SNX29: variants seen among roughly 807,000 people sequenced by gnomAD.
SNX29 encodes sorting nexin 29.
SNX29 carries 78 observed loss-of-function variants against 102.1 expected under a neutral mutation model. That is an observed-to-expected ratio of 0.76 (90% CI 0.64 to 0.92). SNX29 has a LOEUF of 0.92. Among genes scored for constraint, SNX29 ranks in the 40% least tolerant of loss-of-function variants. The pLI, the probability that SNX29 is intolerant of heterozygous loss-of-function variation, is 0.00. For missense variants in SNX29, 1,280 were observed against 1,061.7 expected (o/e 1.21, Z -2.86); for synonymous variants, 580 against 414.5 (o/e 1.40, Z -4.85).
At chr16:12,422,919 G>A (rs2084926406) in intron 18 of SNX29, among the ~76,000 whole-genome samples, 1 of 152,208 alleles carries the variant, frequency 6.6e-6, no homozygotes, top group African/African-American at 2.4e-5. Flanking sequence ...GACTGGAAAT[G>A]CATTTCTGTA....
chr16:12,128,495 C>T (rs1257220091), intron 12 of SNX29, among the ~76,000 whole-genome samples: 1 of 150,134 alleles, frequency 6.7e-6, no homozygotes, highest in East Asian at 2.0e-4. Context: ...TTCTTTCTCC[C>T]AGGCTGGAGT....
At chr16:12,173,602 A>C (rs575054646) in intron 13 of SNX29, among the ~76,000 whole-genome samples, 1 of 152,152 alleles carries the variant, frequency 6.6e-6, no homozygotes, top group African/African-American at 2.4e-5. Flanking sequence ...CGTCCCAATC[A>C]GGAGAAGCTT....
chr16:12,331,282 C>T (rs533801507), intron 15 of SNX29, among the ~76,000 whole-genome samples: 12 of 152,350 alleles, frequency 7.9e-5, no homozygotes, highest in Admixed American at 1.3e-4. Flanking sequence ...GCCTTCTCTA[C>T]GTGCTCCAAG....
intron 13 of SNX29, among the ~76,000 whole-genome samples, chr16:12,161,825 G>A (rs1253846438): frequency 6.6e-6 from 1 of 151,748 alleles, no homozygotes. Context: ...TGCCATGACT[G>A]AAAGCTTTCT....
intron 16 of SNX29, among the ~76,000 whole-genome samples, chr16:12,365,181 G>A (rs1277986011): frequency 1.3e-5 from 2 of 152,232 alleles, no homozygotes; most frequent in East Asian, 3.9e-4. Flanking sequence ...AAAATATGGT[G>A]TCTGTTGTGC....
intron 3 of SNX29, among the ~76,000 whole-genome samples, chr16:12,006,729 C>A (rs1057459487): frequency 6.6e-6 from 1 of 151,862 alleles, no homozygotes; most frequent in South Asian, 2.1e-4. Context: ...CAAGATCTTC[C>A]CATCTCAGCC....
chr16:12,360,151 T>G (rs1381953029), intron 16 of SNX29, among the ~76,000 whole-genome samples: 1 of 152,224 alleles, frequency 6.6e-6, no homozygotes, highest in East Asian at 1.9e-4. Flanking sequence ...AGTAATTTCA[T>G]GATATCATGA....
At chr16:12,274,543 T>C (rs890819504) in intron 14 of SNX29, among the ~76,000 whole-genome samples, 10 of 151,262 alleles carry the variant, frequency 6.6e-5, no homozygotes, top group Admixed American at 1.3e-4. Context: ...CCCACCTCTT[T>C]TTTTTTTTTT....
At chr16:12,239,595 A>G (rs1188773912) in intron 14 of SNX29, among the ~76,000 whole-genome samples, 2 of 148,060 alleles carry the variant, frequency 1.4e-5, no homozygotes, top group Non-Finnish European at 3.0e-5. Flanking sequence ...TGGGAGTCCA[A>G]AGCTGGAGAA....
intron 11 of SNX29, among the ~76,000 whole-genome samples, chr16:12,084,616 G>A (rs1009872150): frequency 1.3e-4 from 20 of 152,144 alleles, no homozygotes; most frequent in Admixed American, 6.5e-4. Context: ...GGGCACACTC[G>A]GAAGCTCAGC....
chr16:12,230,493 G>T (rs1567336566), intron 14 of SNX29, among the ~76,000 whole-genome samples: 1 of 152,204 alleles, frequency 6.6e-6, no homozygotes, highest in Non-Finnish European at 1.5e-5. Context: ...GTGGAAACTG[G>T]ACCATTCTGC....
intron 11 of SNX29, among the ~76,000 whole-genome samples, chr16:12,079,893 A>T (rs1019968723): frequency 1.3e-5 from 2 of 152,158 alleles, no homozygotes; most frequent in African/African-American, 4.8e-5. Context: ...TACATATAGG[A>T]TTCAGGGGCC....
chr16:12,150,543 C>G (rs1597050191), intron 13 of SNX29, among the ~76,000 whole-genome samples: 1 of 152,206 alleles, frequency 6.6e-6, no homozygotes, highest in African/African-American at 2.4e-5. Context: ...AGGAGCAGAC[C>G]TTTTGAAGAG....
intron 15 of SNX29, among the ~76,000 whole-genome samples, chr16:12,347,829 G>A (rs1196301858): frequency 1.3e-5 from 2 of 151,296 alleles, no homozygotes; most frequent in Non-Finnish European, 2.9e-5. Flanking sequence ...TATAATCGTA[G>A]CACTTCGGGA....
chr16:12,276,131 G>A (rs1354803648), intron 14 of SNX29, among the ~76,000 whole-genome samples: 1 of 152,042 alleles, frequency 6.6e-6, no homozygotes, highest in African/African-American at 2.4e-5. Context: ...GACCTCAAGT[G>A]ATCCACCCGC....
chr16:12,044,188 A>G (rs2049998003), intron 5 of SNX29, among the ~76,000 whole-genome samples: 2 of 152,206 alleles, frequency 1.3e-5, no homozygotes, highest in South Asian at 4.1e-4. Context: ...CAGATCGTCA[A>G]CAGTGAAATT....
At chr16:12,045,417 G>C (rs1214219163) in intron 5 of SNX29, among the ~76,000 whole-genome samples, 2 of 152,064 alleles carry the variant, frequency 1.3e-5, no homozygotes, top group African/African-American at 4.8e-5. Flanking sequence ...GAGAGAGCTT[G>C]CAAGTTGGAC....
At chr16:12,535,743 C>T (rs533355004) in intron 20 of SNX29, among the ~76,000 whole-genome samples, 41 of 152,210 alleles carry the variant, frequency 2.7e-4, no homozygotes, top group Middle Eastern at 6.8e-3. Flanking sequence ...TGGTCACGCT[C>T]GTCTTCCACC....
intron 15 of SNX29, among the ~76,000 whole-genome samples, chr16:12,355,732 C>A (rs1015032305): frequency 1.3e-5 from 2 of 151,588 alleles, no homozygotes; most frequent in Non-Finnish European, 2.9e-5. Context: ...TTACAGCTGG[C>A]CCAAATGGGT....
Sources: gnomAD v4.1 joint callset for allele counts (sites outside exome capture counted in the v4.1 genomes callset) on GRCh38, gnomAD v4.1.1 for gene constraint, MANE v1.5 for transcripts, NCBI Gene and HGNC (gene_info 2026-07-23, HGNC 2026-07-21) for gene names.